FHIT: variants seen among roughly 807,000 people sequenced by gnomAD.
FHIT encodes bis(5'-adenosyl)-triphosphatase.
FHIT carries 19 observed loss-of-function variants against 17.9 expected under a neutral mutation model. That is an observed-to-expected ratio of 1.06 (90% CI 0.74 to 1.56). FHIT has a LOEUF of 1.56. Among genes scored for constraint, FHIT ranks in the 40% most tolerant of loss-of-function variants. The pLI is 0.00. For synonymous variants in FHIT, 81 were observed against 69.7 expected, an observed-to-expected ratio of 1.16 and a Z score of -0.81; for missense variants, 248 against 189.2, an observed-to-expected ratio of 1.31 and a Z score of -1.82.
At chr3:60,330,400 CAG>C (rs1447104357) in intron 5 of FHIT, among the ~76,000 whole-genome samples, 20 of 152,278 alleles carry the variant, frequency 1.3e-4, no homozygotes, top group African/African-American at 1.4e-4. Flanking sequence ...CCTCATCCAG[CAG>C]AGTCTTACTG....
chr3:61,184,981 A>G (rs1335478445), intron 2 of FHIT, among the ~76,000 whole-genome samples: 1 of 152,228 alleles, frequency 6.6e-6, no homozygotes, highest in Non-Finnish European at 1.5e-5. Flanking sequence ...CTCTAAGGGA[A>G]ATGAGAAAAC....
chr3:61,047,075 C>T (rs917396553), intron 2 of FHIT, among the ~76,000 whole-genome samples: 1 of 152,076 alleles, frequency 6.6e-6, no homozygotes, highest in East Asian at 1.9e-4. Context: ...CCCTTTGAAA[C>T]CTGGCACAAG....
intron 5 of FHIT, among the ~76,000 whole-genome samples, chr3:60,521,342 G>C (rs1338493581): frequency 6.6e-6 from 1 of 152,054 alleles, no homozygotes; most frequent in Non-Finnish European, 1.5e-5. Context: ...CCGCCTCCCA[G>C]ATTCACGCCA....
At chr3:60,340,253 G>T (rs143977731) in intron 5 of FHIT, among the ~76,000 whole-genome samples, 113 of 152,286 alleles carry the variant, frequency 7.4e-4, no homozygotes, top group African/African-American at 2.6e-3. Flanking sequence ...ATCTGCAAAT[G>T]AAGTTGAAGG....
chr3:60,499,615 G>C (rs367924322), intron 5 of FHIT, among the ~76,000 whole-genome samples: 3 of 152,058 alleles, frequency 2.0e-5, no homozygotes, highest in East Asian at 3.9e-4. Context: ...TCCTGACCTC[G>C]TGATCCGCCC....
chr3:60,300,030 T>A (rs1708383833), intron 5 of FHIT, among the ~76,000 whole-genome samples: 1 of 152,096 alleles, frequency 6.6e-6, no homozygotes, highest in African/African-American at 2.4e-5. Context: ...CTAGCTTCTT[T>A]AGTTCCAGGG....
chr3:60,959,810 T>A (rs1163290121), intron 3 of FHIT, among the ~76,000 whole-genome samples: 1 of 151,340 alleles, frequency 6.6e-6, no homozygotes, highest in Non-Finnish European at 1.5e-5. Context: ...TCTTTTTTTT[T>A]TTTTTTTTAA....
At chr3:60,221,392 C>T (rs1451294611) in intron 5 of FHIT, among the ~76,000 whole-genome samples, 1 of 152,114 alleles carries the variant, frequency 6.6e-6, no homozygotes, top group East Asian at 1.9e-4. Context: ...GCTTAAGCTA[C>T]TACAAGGGTT....
At chr3:60,056,170 G>A (rs1049569405) in intron 5 of FHIT, among the ~76,000 whole-genome samples, 2 of 152,154 alleles carry the variant, frequency 1.3e-5, no homozygotes, top group Admixed American at 1.3e-4. Flanking sequence ...GGGGTTCAGT[G>A]TACAATATTT....
chr3:60,081,787 G>A lies in FHIT; in HGVS notation c.104-67635C>T, dbSNP rs1163174385. Reference sequence around the variant, plus strand: ...ATATACAGGACCCTAATCAGAGAGAGTGCCAGGAATAACAGCCATGCATGC... The same window carrying A: ...ATATACAGGACCCTAATCAGAGAGAATGCCAGGAATAACAGCCATGCATGC... On this transcript the variant is annotated intron_variant, in intron 5 of 9. Transcript: ENST00000492590. 2.0e-5 allele frequency among the ~76,000 whole-genome samples: 3 copies of A among 152,066 alleles called. No homozygotes were observed. In the East Asian group the frequency reaches 5.8e-4, roughly 29 times the overall value.
intron 5 of FHIT, among the ~76,000 whole-genome samples, chr3:60,155,008 T>C: frequency 6.6e-6 from 1 of 151,896 alleles, no homozygotes; most frequent in Non-Finnish European, 1.5e-5. Context: ...GAGACCACTC[T>C]GGGCAACATA....
rs1256800107 is a variant in FHIT, at chr3:60,732,492, C to G, written c.-18+89427G>C. Reference sequence around the variant, plus strand: ...ATAATTCTGTGAAAGCAGGAACCCTCACACCCAAATCCTTTCTTTCCAGCG... The same window carrying G: ...ATAATTCTGTGAAAGCAGGAACCCTGACACCCAAATCCTTTCTTTCCAGCG... On this transcript the variant is annotated intron_variant, in intron 4 of 9. Transcript: ENST00000492590. 8.7e-6 allele frequency: 6 copies of G among 690,388 alleles called. No individual in the cohort carries two copies. In the African/African-American group the frequency reaches 1.1e-4, roughly 12 times the overall value. The allele number at this position is 690,388 out of a possible 1,614,324, so 42.8% of individuals were successfully genotyped here. A position where few individuals can be genotyped will look rare whatever the true frequency, so the allele number is the denominator to read the frequency against.
chr3:60,011,525 G>A (rs1025880446), intron 6 of FHIT, 125 bp from the exon 7 acceptor site: 3 of 815,262 alleles, frequency 3.7e-6, no homozygotes, highest in South Asian at 3.0e-5. Context: ...GTATTCTCAT[G>A]GGGACCATTG....
At chr3:60,744,256 A>C (rs1346733300) in intron 4 of FHIT, among the ~76,000 whole-genome samples, 2 of 45,708 alleles carry the variant, frequency 4.4e-5, no homozygotes, top group Non-Finnish European at 8.3e-5. Context: ...TAAAAAAAAA[A>C]ACAAAACAAA....
chr3:60,278,681 C>A (rs893043757), intron 5 of FHIT, among the ~76,000 whole-genome samples: 1 of 151,578 alleles, frequency 6.6e-6, no homozygotes, highest in South Asian at 2.1e-4. Context: ...GCATTAAACA[C>A]AGTCCAGCTC....
chr3:60,553,153 T>A (rs1186115852), intron 4 of FHIT, among the ~76,000 whole-genome samples: 1 of 152,182 alleles, frequency 6.6e-6, no homozygotes, highest in East Asian at 1.9e-4. Context: ...TATGTAGACA[T>A]CATCTTTATT....
intron 2 of FHIT, among the ~76,000 whole-genome samples, chr3:61,045,974 G>A (rs759485522): frequency 5.3e-5 from 8 of 151,844 alleles, no homozygotes; most frequent in Non-Finnish European, 8.8e-5. Context: ...AGAATCTCTG[G>A]GACACATTCA....
chr3:60,186,126 G>T (rs1226571464), intron 5 of FHIT, among the ~76,000 whole-genome samples: 2 of 151,866 alleles, frequency 1.3e-5, no homozygotes, highest in African/African-American at 4.8e-5. Flanking sequence ...CTTTTGCATA[G>T]CTTAAGTTTT....
chr3:60,280,961 C>G (rs1707400013), intron 5 of FHIT, among the ~76,000 whole-genome samples: 1 of 5,640 alleles, frequency 1.8e-4, no homozygotes, highest in South Asian at 8.9e-3. Flanking sequence ...AAAACATTCT[C>G]TAGAACAAAT....
Sources: gnomAD v4.1 joint callset for allele counts (sites outside exome capture counted in the v4.1 genomes callset) on GRCh38, gnomAD v4.1.1 for gene constraint, MANE v1.5 for transcripts, NCBI Gene and HGNC (gene_info 2026-07-23, HGNC 2026-07-21) for gene names.